The following ZKSCAN4 variants were observed in gnomAD, a reference collection of about 807,000 sequenced individuals.
The protein encoded by ZKSCAN4 is zinc finger protein with KRAB and SCAN domains 4.
A neutral mutation model predicts 30.8 loss-of-function variants in ZKSCAN4; 23 were observed. That is an observed-to-expected ratio of 0.75 (90% CI 0.54 to 1.06). The LOEUF (loss-of-function observed/expected upper bound fraction) is 1.06, where lower values mean the gene tolerates loss of function less well. ZKSCAN4 is among the 50% of genes least tolerant of loss of function. The pLI is 0.00. For missense variants in ZKSCAN4, 556 were observed against 665.4 expected, an observed-to-expected ratio of 0.84 and a Z score of 1.81; for synonymous variants, 208 against 252.5, an observed-to-expected ratio of 0.82 and a Z score of 1.67.
chr6:28,248,473 T>C (rs1760836385), intron 2 of ZKSCAN4, among the ~76,000 whole-genome samples: 1 of 152,174 alleles, frequency 6.6e-6, no homozygotes. Context: ...TTTTTGTTTT[T>C]GTTTTGTTTT....
At position 28,245,931 on chromosome 6, in the gene ZKSCAN4, T is replaced by C; in HGVS notation, c.823A>G (p.Lys275Glu). ...TKSRDLPPVKKLPEKEHGKIC... is the reference protein window; with the variant it reads ...TKSRDLPPVKELPEKEHGKIC... ...TTCCCATGCTCCTTTTCTGGAAGCT[T>C]CTTGACTGGAGGCAAGTCCCTGCTC... is the stretch of plus-strand genomic sequence containing the variant. The change falls in exon 5 of 5, where the codon AAG becomes GAG. Residue 275 changes from lysine to glutamate, a missense_variant. Lys to Glu is a moderately conservative substitution (Grantham distance 56). Transcript: ENST00000377294. 1 of 1,614,214 alleles carries C rather than the reference T, an allele frequency of 6.2e-7. No homozygotes were observed. Among genetic ancestry groups the C allele is most frequent in the South Asian group, 1.1e-5 (1 of 91,090 alleles).
In ZKSCAN4 at chr6:28,251,496, C is replaced by G; in HGVS notation, c.423+62G>C. 6.2e-7 allele frequency: 1 copy of G among 1,613,826 alleles called. No homozygotes were observed. On this transcript the variant is annotated intron_variant, in intron 1 of 4. Coordinates refer to ENST00000377294, the MANE Select transcript of ZKSCAN4 (RefSeq NM_019110.5). The surrounding 1 kb of genome is among the most constrained non-coding windows in gnomAD (Gnocchi z 4.5). Reference sequence around the variant, plus strand: ...GACCTTAAAGGAATGCCCCTCGCTCCGATCTGGGATTTCAGGAGGAAACAG... The same window carrying G: ...GACCTTAAAGGAATGCCCCTCGCTCGGATCTGGGATTTCAGGAGGAAACAG...
rs1760532303 is a variant in ZKSCAN4 at position 28,242,529 on chromosome 6, T to G, written c.*2587A>C. 6.6e-6 allele frequency among the ~76,000 whole-genome samples: 1 copy of G among 152,230 alleles called. No individual in the cohort carries two copies. The highest frequency in any genetic ancestry group is 1.5e-5 in the Non-Finnish European group (1 of 68,046). Reference sequence around the variant, plus strand: ...CTACAATGTCCCTATCTCTTAAAATTTGCTTTATTTACTCAATTGGACAAA... The same window carrying G: ...CTACAATGTCCCTATCTCTTAAAATGTGCTTTATTTACTCAATTGGACAAA... On this transcript the variant is annotated 3_prime_UTR_variant, in exon 5 of 5. Coordinates refer to ENST00000377294, the MANE Select transcript of ZKSCAN4 (RefSeq NM_019110.5).
intron 3 of ZKSCAN4, among the ~76,000 whole-genome samples, chr6:28,247,793 C>T (rs1218787574): frequency 6.6e-6 from 1 of 152,318 alleles, no homozygotes; most frequent in East Asian, 1.9e-4. Context: ...AGAAAAATCA[C>T]ATTGAAGAAG....
upstream of ZKSCAN4, among the ~76,000 whole-genome samples, chr6:28,254,773 A>G (rs1171178639): frequency 6.6e-6 from 1 of 152,200 alleles, no homozygotes; most frequent in Non-Finnish European, 1.5e-5. Context: ...CATTTTCTTT[A>G]TCTGGAACTG....
In ZKSCAN4 at chr6:28,249,651, C is replaced by A. The variant is rs1369207483; in HGVS notation, c.571+36G>T. 1 of 1,601,344 alleles carries A rather than the reference C, an allele frequency of 6.2e-7. No individual in the cohort carries two copies. Among genetic ancestry groups the A allele is most frequent in the Non-Finnish European group, 8.5e-7 (1 of 1,173,700 alleles). Reference sequence around the variant, plus strand: ...ATCCTTAAATGAAATTGGATGAAGTCTATAGAATTCATACAACCCAGAAGA... The same window carrying A: ...ATCCTTAAATGAAATTGGATGAAGTATATAGAATTCATACAACCCAGAAGA... On this transcript the variant is annotated intron_variant, in intron 2 of 4. Transcript: ENST00000377294. The surrounding 1 kb of genome is among the most constrained non-coding windows in gnomAD (Gnocchi z 4.1).
At chr6:28,246,722 C>T (rs1760749526) in intron 4 of ZKSCAN4, among the ~76,000 whole-genome samples, 1 of 152,110 alleles carries the variant, frequency 6.6e-6, no homozygotes, top group Non-Finnish European at 1.5e-5. Flanking sequence ...TGAGCATCTC[C>T]TATGAGCCAG....
At chr6:28,254,707 G>A (rs368355327), upstream of ZKSCAN4, among the ~76,000 whole-genome samples, 10 of 152,238 alleles carry the variant, frequency 6.6e-5, no homozygotes, top group Admixed American at 5.9e-4. Flanking sequence ...ATCTAAAGGC[G>A]GGATGCTTTT....
rs1760584967 is a variant in ZKSCAN4, at chr6:28,243,660, TTTTC to T, written c.*1452_*1455del. On this transcript the variant is annotated 3_prime_UTR_variant, in exon 5 of 5. Coordinates refer to ENST00000377294, the MANE Select transcript of ZKSCAN4 (RefSeq NM_019110.5). ...TGTGCTTCTGAACAGACACATTTTC[TTTTC>T]TTTTTTTTTTTTCTTTTTGAGACAG... 1.3e-5 allele frequency among the ~76,000 whole-genome samples: 2 copies of T among 149,522 alleles called. No homozygotes were observed. The highest frequency in any genetic ancestry group is 6.6e-5 in the Admixed American group (1 of 15,100).
rs1760978883 is a variant in ZKSCAN4 at position 28,251,252 on chromosome 6, G to C, written c.423+306C>G. On this transcript the variant is annotated intron_variant, in intron 1 of 4. Transcript: ENST00000377294. This position sits in a 1 kb window ranked among gnomAD's most constrained non-coding sequence, Gnocchi z 4.5. ...TTTGAAATTGCCAATTATAAGCCCTGTCCCTAGGTCTTATTATTTAGTGCA... is the reference window on the plus strand; with the variant it reads ...TTTGAAATTGCCAATTATAAGCCCTCTCCCTAGGTCTTATTATTTAGTGCA... Among the ~76,000 whole-genome samples, 1 of 152,084 alleles carries C rather than the reference G, an allele frequency of 6.6e-6. No individual in the cohort carries two copies. Among genetic ancestry groups the C allele is most frequent in the Non-Finnish European group, 1.5e-5 (1 of 68,012 alleles).
rs759900123 is a variant in ZKSCAN4 at position 28,251,539 on chromosome 6, C to G, written c.423+19G>C. ...GGAAACAGACCACAGCGCTCAGATA[C>G]TAAACCTGTTCTTTCTACCTGCGGC... On this transcript the variant is annotated intron_variant, in intron 1 of 4. Coordinates refer to ENST00000377294, the MANE Select transcript of ZKSCAN4 (RefSeq NM_019110.5). This position sits in a 1 kb window ranked among gnomAD's most constrained non-coding sequence, Gnocchi z 4.5. 1.4e-5 allele frequency: 23 copies of G among 1,614,190 alleles called. No individual in the cohort carries two copies. The highest frequency in any genetic ancestry group is 1.6e-4 in the Middle Eastern group (1 of 6,062).
At chr6:28,255,953 T>C (rs12214383), upstream of ZKSCAN4, among the ~76,000 whole-genome samples, 68,395 of 152,052 alleles carry the variant, frequency 0.45, 18,844 homozygotes, top group Non-Finnish European at 0.6. Flanking sequence ...GATATTGTGA[T>C]TATGAAGGAA....
Position 28,247,084 on chromosome 6 carries a change from C to G in ZKSCAN4, c.663G>C (p.Leu221=), listed in dbSNP as rs1307857667. ...SRLTPGSQGL[L]KMEDVALTLT... The stretch of plus-strand genomic sequence containing the variant: ...GGGTCAGGGCCACATCTTCCATTTT[C>G]AGCAAACCCTAAAACAATAGGTAGT... Residue 221 remains leucine (L), a synonymous_variant, in exon 4 of 5, where the codon CTG becomes CTC. Transcript: ENST00000377294. 8 of 1,608,810 alleles carry G rather than the reference C, an allele frequency of 5.0e-6. No homozygotes were observed. The highest frequency in any genetic ancestry group is 5.9e-6 in the Non-Finnish European group (7 of 1,177,780).
chr6:28,246,072 T>C (rs1760721088), intron 4 of ZKSCAN4, 97 bp from the exon 5 acceptor site: 1 of 1,504,800 alleles, frequency 6.6e-7, no homozygotes, highest in Non-Finnish European at 9.1e-7. Context: ...CAGAAGTCTA[T>C]ATATGCCCAG....
Position 28,245,450 on chromosome 6 carries a change from T to C in ZKSCAN4, c.1304A>G (p.Asn435Ser), listed in dbSNP as rs775267422. 6.2e-6 allele frequency: 10 copies of C among 1,614,236 alleles called. No individual in the cohort carries two copies. Among genetic ancestry groups the C allele is most frequent in the South Asian group, 2.2e-5 (2 of 91,084 alleles). The change falls in exon 5 of 5, where the codon AAT (asparagine) becomes AGT (serine). Residue 435 changes from asparagine (N) to serine (S), a missense_variant. Physicochemically the swap from Asn to Ser is conservative, Grantham distance 46 (BLOSUM62 1). This residue lies in a region of ZKSCAN4 where 433 missense variants were observed against 511.5 expected (regional missense o/e 0.85). Transcript: ENST00000377294. ...CCGCCTAAAGGCTTTGCCACACATA[T>C]TGCACTGGTATGGCTTCTCCCCAGT... Reference protein sequence around the residue: ...IHTGEKPYQCNMCGKAFRRNS... With the variant: ...IHTGEKPYQCSMCGKAFRRNS...
chr6:28,252,375 C>T (rs184763972), upstream of ZKSCAN4, among the ~76,000 whole-genome samples: 1 of 151,952 alleles, frequency 6.6e-6, no homozygotes, highest in Non-Finnish European at 1.5e-5. Flanking sequence ...CCTGTCCTTA[C>T]CTCCACGCAA....
chr6:28,251,612 C>A lies in ZKSCAN4; in HGVS notation c.369G>T (p.Glu123Asp). ...CCAAATACTCCAATAGCACCACCAC[C>A]TCCTCCCCGCTCTCTGGATGCTGCT... ...VREQHPESGE[E>D]VVVLLEYLER... is the part of the protein sequence containing the mutation. The change falls in exon 1 of 5, where the codon GAG becomes GAT. Residue 123 changes from glutamate (E) to aspartate (D), a missense_variant. Glu to Asp is a conservative substitution (Grantham distance 45, BLOSUM62 2). Around this residue, in one of 3 missense-constraint regions of ZKSCAN4, gnomAD observed 433 missense variants for 511.5 expected, o/e 0.85. Coordinates refer to ENST00000377294, the MANE Select transcript of ZKSCAN4 (RefSeq NM_019110.5). The surrounding 1 kb of genome is among the most constrained non-coding windows in gnomAD (Gnocchi z 4.5). 1.2e-6 allele frequency: 2 copies of A among 1,614,206 alleles called. No individual in the cohort carries two copies. The highest frequency in any genetic ancestry group is 1.1e-5 in the South Asian group (1 of 91,090).
intron 4 of ZKSCAN4, 37 bp from the exon 5 acceptor site, chr6:28,246,012 C>T: frequency 5.0e-6 from 8 of 1,613,874 alleles, no homozygotes; most frequent in Non-Finnish European, 6.8e-6. Flanking sequence ...TGGGTTATGC[C>T]CTGCCATGGG....
At position 28,252,040 on chromosome 6, in the gene ZKSCAN4, T is replaced by G; in HGVS notation, c.-60A>C. 3 of 1,493,510 alleles carry G rather than the reference T, an allele frequency of 2.0e-6. No homozygotes were observed. The highest frequency in any genetic ancestry group is 2.9e-5 in the South Asian group (2 of 69,390). The allele number at this position is 1,493,510 out of a possible 1,614,324, so 92.5% of individuals were successfully genotyped here. A position where few individuals can be genotyped will look rare whatever the true frequency, so the allele number is the denominator to read the frequency against. ...TTGCGACCTGTATATCTTCAGAGGA[T>G]TCTGGAAGGGTGGTAAATTTTCCAG... On this transcript the variant is annotated 5_prime_UTR_variant, in exon 1 of 5. Transcript: ENST00000377294.
Sources: allele counts gnomAD v4.1 joint callset (sites outside exome capture counted in the v4.1 genomes callset), GRCh38; gene constraint gnomAD v4.1.1; regional missense constraint gnomAD v4.1.1; non-coding constraint Gnocchi (gnomAD v3.1); transcripts MANE v1.5; gene names NCBI Gene and HGNC (gene_info 2026-07-23, HGNC 2026-07-21).